Variants in PITPNM3 observed in about 807,000 individuals in gnomAD.
PITPNM3 encodes the protein membrane-associated phosphatidylinositol transfer protein 3.
Under a neutral mutation model 102.0 loss-of-function variants are expected in PITPNM3, and 26 were observed. The observed-to-expected ratio is 0.25, with a 90% CI of 0.19 to 0.35. The LOEUF (loss-of-function observed/expected upper bound fraction) is 0.35. Among genes scored for constraint, PITPNM3 ranks in the 10% least tolerant of loss-of-function variants. The pLI, the probability that PITPNM3 is intolerant of heterozygous loss-of-function variation, is 1.00. For synonymous variants in PITPNM3, 578 were observed against 558.6 expected, an observed-to-expected ratio of 1.03 and a Z score of -0.49; for missense variants, 1,083 against 1,346.1, an observed-to-expected ratio of 0.80 and a Z score of 3.06.
chr17:6,528,831 G>A (rs577041063), intron 2 of PITPNM3, among the ~76,000 whole-genome samples: 3 of 152,032 alleles, frequency 2.0e-5, no homozygotes, highest in Admixed American at 1.3e-4. Flanking sequence ...ACATACACAC[G>A]GAAGCAGCAG....
intron 3 of PITPNM3, among the ~76,000 whole-genome samples, chr17:6,519,487 C>T (rs896152134): frequency 6.6e-5 from 10 of 151,366 alleles, no homozygotes; most frequent in African/African-American, 2.4e-4. Flanking sequence ...CCACTGCACT[C>T]CAGCCTGGGC....
In PITPNM3 at chr17:6,455,266, G is replaced by T; in HGVS notation, c.*72C>A. 2 of 1,493,062 alleles carry T rather than the reference G, an allele frequency of 1.3e-6. No homozygotes were observed. Among genetic ancestry groups the T allele is most frequent in the Non-Finnish European group, 9.0e-7 (1 of 1,117,280 alleles). The allele number at this position is 1,493,062 out of a possible 1,614,324, so 92.5% of individuals were successfully genotyped here. ...AGGAAAACGCCTGTGTCGGGGAGAGGGCAGCCCCCTCCCGTCCCCGCAGGC... is the reference window on the plus strand; with the variant it reads ...AGGAAAACGCCTGTGTCGGGGAGAGTGCAGCCCCCTCCCGTCCCCGCAGGC... On this transcript the variant is annotated 3_prime_UTR_variant, in exon 20 of 20. Coordinates refer to ENST00000262483, the MANE Select transcript of PITPNM3 (RefSeq NM_031220.4).
chr17:6,457,794 C>G lies in PITPNM3; in HGVS notation c.2491-72G>C, dbSNP rs1289291759. The G allele has an allele frequency of 5.2e-6, 8 of 1,541,066 alleles. No individual in the cohort carries two copies. The highest frequency in any genetic ancestry group is 7.0e-6 in the Non-Finnish European group (8 of 1,142,370). On this transcript the variant is annotated intron_variant, in intron 18 of 19. Coordinates refer to ENST00000262483, the MANE Select transcript of PITPNM3 (RefSeq NM_031220.4). The surrounding 1 kb of genome is among the most constrained non-coding windows in gnomAD (Gnocchi z 4.7). ...CCTGGAAAGCCTTCCCAGGCCAACC[C>G]CAGGGGGCCCCTGCTTGGGGACCCT...
At chr17:6,548,823 C>T (rs2150679627) in intron 1 of PITPNM3, among the ~76,000 whole-genome samples, 1 of 152,230 alleles carries the variant, frequency 6.6e-6, no homozygotes, top group East Asian at 1.9e-4. Flanking sequence ...TCAGAAGAGG[C>T]CTCTCAGATC....
At chr17:6,533,253 T>C (rs8080533) in intron 2 of PITPNM3, among the ~76,000 whole-genome samples, 116,449 of 152,054 alleles carry the variant, frequency 0.77, 44,947 homozygotes, top group African/African-American at 0.86. Context: ...TGAGCGACCA[T>C]GCCTGGCCCC....
chr17:6,464,172 G>A lies in PITPNM3; in HGVS notation c.2154C>T (p.Val718=). 3.1e-6 allele frequency: 5 copies of A among 1,614,176 alleles called. No individual in the cohort carries two copies. Among genetic ancestry groups the A allele is most frequent in the Non-Finnish European group, 4.2e-6 (5 of 1,180,030 alleles). Residue 718 remains valine, a splice_region_variant and synonymous_variant, in exon 16 of 20, where the codon GTC becomes GTT. Transcript: ENST00000262483. ...GVGVYPVKMV[V]RGDQTCAMSY... The stretch of plus-strand genomic sequence containing the variant: ...TGAGAATGGCCCCTGGGTCTTACCT[G>A]ACGACCATCTTCACAGGATAGACAC...
chr17:6,482,026 C>CTCTCTCTG (rs1567670257), intron 6 of PITPNM3, among the ~76,000 whole-genome samples: 5 of 108,646 alleles, frequency 4.6e-5, no homozygotes, highest in Admixed American at 9.3e-5. Flanking sequence ...CTCTCTCTCT[C>CTCTCTCTG]TCTCTCTCTG....
In PITPNM3 at chr17:6,468,453, C is replaced by T; in HGVS notation, c.1774-112G>A. The T allele has an allele frequency of 9.5e-7, 1 of 1,051,844 alleles. No homozygotes were observed. The highest frequency in any genetic ancestry group is 1.3e-5 in the South Asian group (1 of 79,262). 65.2% of individuals were successfully genotyped at this position (1,051,844 alleles called of 1,614,324 possible). A position where few individuals can be genotyped will look rare whatever the true frequency, so the allele number is the denominator to read the frequency against. The stretch of plus-strand genomic sequence containing the variant: ...CAGCTGGGCCCTGCCCCTGCAACCC[C>T]CCAACCTCACAGCCTGGAACCGTCA... On this transcript the variant is annotated intron_variant, in intron 13 of 19. Transcript: ENST00000262483. This position sits in a 1 kb window ranked among gnomAD's most constrained non-coding sequence, Gnocchi z 5.2.
chr17:6,526,950 C>T (rs1051724239), intron 2 of PITPNM3, among the ~76,000 whole-genome samples: 7 of 152,180 alleles, frequency 4.6e-5, no homozygotes, highest in African/African-American at 9.7e-5. Context: ...CACACACATT[C>T]GGACAATTTC....
In PITPNM3 at chr17:6,516,225, T is replaced by A. The variant is rs575396875; in HGVS notation, c.226+9131A>T. On this transcript the variant is annotated intron_variant, in intron 3 of 19. Transcript: ENST00000262483. ...CCCACCAAGGACCAAGAAATAAGAA[T>A]AAGAAGAACAAGGTAACGTGTGGTT... is the stretch of plus-strand genomic sequence containing the variant. 1.2e-4 allele frequency among the ~76,000 whole-genome samples: 19 copies of A among 152,146 alleles called. No individual in the cohort carries two copies. The South Asian group carries it at 1.5e-3, about 12-fold the overall frequency.
In PITPNM3 at chr17:6,478,588, C is replaced by G; in HGVS notation, c.736G>C (p.Glu246Gln). Reference protein sequence around the residue: ...VIERANQVYREFLKSSDGIGF... With the variant: ...VIERANQVYRQFLKSSDGIGF... ...ATCCCATCAGAGGACTTCAGGAACT[C>G]TCTGTAGACCTGGTTGGCTCGCTCG... The change falls in exon 7 of 20, where the codon GAG becomes CAG. Residue 246 changes from glutamate to glutamine, a missense_variant. Glu to Gln is a conservative substitution (Grantham distance 29). This residue lies in a region of PITPNM3 where 290 missense variants were observed against 337.8 expected (regional missense o/e 0.86). Coordinates refer to ENST00000262483, the MANE Select transcript of PITPNM3 (RefSeq NM_031220.4). The surrounding 1 kb of genome is among the most constrained non-coding windows in gnomAD (Gnocchi z 4.4). 1 of 1,614,116 alleles carries G rather than the reference C, an allele frequency of 6.2e-7. No individual in the cohort carries two copies. The highest frequency in any genetic ancestry group is 2.2e-5 in the East Asian group (1 of 44,868).
In PITPNM3 at chr17:6,468,103, G is replaced by A. The variant is rs1386198650; in HGVS notation, c.1890+122C>T. The A allele has an allele frequency of 3.2e-6, 3 of 928,026 alleles. No homozygotes were observed. Among genetic ancestry groups the A allele is most frequent in the Non-Finnish European group, 5.2e-6 (3 of 577,828 alleles). The allele number at this position is 928,026 out of a possible 1,614,324, so 57.5% of individuals were successfully genotyped here. A position where few individuals can be genotyped will look rare whatever the true frequency, so the allele number is the denominator to read the frequency against. On this transcript the variant is annotated intron_variant, in intron 14 of 19. Coordinates refer to ENST00000262483, the MANE Select transcript of PITPNM3 (RefSeq NM_031220.4). This position sits in a 1 kb window ranked among gnomAD's most constrained non-coding sequence, Gnocchi z 5.2. ...CTGAGTGTGAGCCCCAGCCTGTTTG[G>A]GTGCTGAGCTCTGAGGACAAATTGA...
chr17:6,509,385 G>GGAGA (rs1242573516), intron 3 of PITPNM3, among the ~76,000 whole-genome samples: 2 of 152,182 alleles, frequency 1.3e-5, no homozygotes, highest in East Asian at 3.9e-4. Context: ...TGGTGGCTGC[G>GGAGA]GAGAGAGTGA....
Position 6,474,489 on chromosome 17 carries a change from C to T in PITPNM3, c.1201G>A (p.Gly401Ser), listed in dbSNP as rs868086165. 5.6e-6 allele frequency: 9 copies of T among 1,613,424 alleles called. No homozygotes were observed. Among genetic ancestry groups the T allele is most frequent in the Non-Finnish European group, 7.6e-6 (9 of 1,179,952 alleles). The stretch of plus-strand genomic sequence containing the variant: ...GCCAGGACCAGGCCCAGTGGCGAGC[C>T]GAAGAGGAAGAAGTCGGACACATCG... ...DFDVSDFFLFGSPLGLVLAMR... is the reference protein window; with the variant it reads ...DFDVSDFFLFSSPLGLVLAMR... Residue 401 changes from glycine to serine, a missense_variant, in exon 10 of 20, where the codon GGC becomes AGC. Gly to Ser is a moderately conservative substitution (Grantham distance 56). This residue lies in a region of PITPNM3 where 410 missense variants were observed against 638.4 expected (regional missense o/e 0.64). Transcript: ENST00000262483.
intron 4 of PITPNM3, among the ~76,000 whole-genome samples, chr17:6,499,871 C>T (rs529746528): frequency 6.6e-6 from 1 of 152,260 alleles, no homozygotes; most frequent in Non-Finnish European, 1.5e-5. Context: ...GCTGGGATTA[C>T]AGGCGCATGC....
chr17:6,547,677 C>A (rs1380114810), intron 1 of PITPNM3, among the ~76,000 whole-genome samples: 1 of 152,090 alleles, frequency 6.6e-6, no homozygotes, highest in Non-Finnish European at 1.5e-5. Context: ...ACCCAGGCAA[C>A]GGGAGGCCAG....
At chr17:6,534,945 G>A (rs61543223) in intron 2 of PITPNM3, among the ~76,000 whole-genome samples, 6,431 of 152,194 alleles carry the variant, frequency 0.042, 423 homozygotes, top group African/African-American at 0.14. Flanking sequence ...GCTGGTCTCT[G>A]CAGGGAGACA....
At chr17:6,512,876 A>G (rs998855228) in intron 3 of PITPNM3, among the ~76,000 whole-genome samples, 1 of 152,218 alleles carries the variant, frequency 6.6e-6, no homozygotes, top group African/African-American at 2.4e-5. Flanking sequence ...ATAGATTGTT[A>G]GTATACATTA....
intron 18 of PITPNM3, 59 bp downstream of exon 18, chr17:6,461,314 G>A (rs1389329421): frequency 5.7e-6 from 9 of 1,565,260 alleles, no homozygotes; most frequent in African/African-American, 1.4e-5. Flanking sequence ...ATGGGGAGCG[G>A]TGGAGAGGAG....
Sources: allele counts gnomAD v4.1 joint callset (sites outside exome capture counted in the v4.1 genomes callset), GRCh38; gene constraint gnomAD v4.1.1; regional missense constraint gnomAD v4.1.1; non-coding constraint Gnocchi (gnomAD v3.1); transcripts MANE v1.5; gene names NCBI Gene and HGNC (gene_info 2026-07-23, HGNC 2026-07-21).